The following ZFHX3 variants were observed in gnomAD, a reference collection of about 807,000 sequenced individuals.
ZFHX3 encodes the protein zinc finger homeobox protein 3.
ZFHX3 carries 42 observed loss-of-function variants against 279.1 expected under a neutral mutation model. The ratio of observed to expected loss-of-function variants is 0.15; its 90% confidence interval spans 0.12 to 0.19. ZFHX3 has a LOEUF of 0.19. Ranked by LOEUF, ZFHX3 falls within the 10% of genes least tolerant of loss-of-function variation. The probability of loss-of-function intolerance (pLI) is 1.00; values close to 1 mark genes in which losing one functional copy is unlikely to be tolerated. For synonymous variants in ZFHX3, 2,293 were observed against 1,957.8 expected (o/e 1.17, Z -4.52); for missense variants, 4,981 against 4,754.0 (o/e 1.05, Z -1.40).
rs769401015 is a variant in ZFHX3 at position 73,010,103 on chromosome 16, C to G, written c.-50+37649G>C. On this transcript the variant is annotated intron_variant, in intron 1 of 9. Transcript: ENST00000268489. ...TAGCATCAGAACACCCACGGAGGCA[C>G]GCCCCATGGGAAGGTGGCACTCAGC... Among the ~76,000 whole-genome samples the G allele has an allele frequency of 2.0e-5, 3 of 152,030 alleles. No individual in the cohort carries two copies. In the South Asian group the frequency reaches 6.2e-4, roughly 32 times the overall value.
chr16:73,548,196 T>C (rs991112288), intron 2 of ZFHX3, among the ~76,000 whole-genome samples: 8 of 152,242 alleles, frequency 5.3e-5, no homozygotes, highest in African/African-American at 1.9e-4. Context: ...TCAGTTTTCA[T>C]GGCTAAAGTG....
chr16:73,670,608 T>C (rs2052895349), intron 2 of ZFHX3, among the ~76,000 whole-genome samples: 1 of 152,172 alleles, frequency 6.6e-6, no homozygotes, highest in Non-Finnish European at 1.5e-5. Context: ...AGACCATTAT[T>C]TGACTGCAGG....
At chr16:72,889,230 A>C (rs1484803262) in intron 4 of ZFHX3, among the ~76,000 whole-genome samples, 3 of 152,090 alleles carry the variant, frequency 2.0e-5, no homozygotes, top group African/African-American at 7.2e-5. Flanking sequence ...TATAACAAGC[A>C]CTTATTTTAT....
intron 2 of ZFHX3, among the ~76,000 whole-genome samples, chr16:73,527,585 A>G (rs1307559365): frequency 2.0e-5 from 3 of 152,196 alleles, no homozygotes; most frequent in Non-Finnish European, 4.4e-5. Context: ...GTCGAATAGA[A>G]TATGGCAAAT....
chr16:73,373,146 G>C (rs867724464), intron 3 of ZFHX3, among the ~76,000 whole-genome samples: 42 of 151,902 alleles, frequency 2.8e-4, no homozygotes, highest in South Asian at 8.3e-4. Context: ...GAGGTTTGGG[G>C]GGGGGGTGGT....
chr16:73,186,521 G>C lies in ZFHX3; in HGVS notation c.-1103-42690C>G, dbSNP rs72797315. Among the ~76,000 whole-genome samples the C allele has an allele frequency of 4.3e-3, 654 of 150,732 alleles. 1 individual carries two copies. The highest frequency in any genetic ancestry group is 0.014 in the Middle Eastern group (4 of 282). On this transcript the variant is annotated intron_variant, in intron 5 of 17. Coordinates refer to the ZFHX3 transcript ENST00000641206. ...GTAGGTACTCAAGAAACACTTTGTG[G>C]ATATACCAGCCAATTCCCTAGTTTC...
At chr16:72,866,426 G>A (rs1194138841) in intron 4 of ZFHX3, among the ~76,000 whole-genome samples, 3 of 152,200 alleles carry the variant, frequency 2.0e-5, no homozygotes, top group Admixed American at 2.0e-4. Flanking sequence ...AAACAAACAT[G>A]TAGACATTTT....
intron 2 of ZFHX3, among the ~76,000 whole-genome samples, chr16:73,631,248 T>A (rs1303387030): frequency 6.6e-6 from 1 of 152,216 alleles, no homozygotes; most frequent in Non-Finnish European, 1.5e-5. Flanking sequence ...TACCCAGTGT[T>A]ACCTGAGAAT....
chr16:73,788,046 C>A (rs1265150078), intron 1 of ZFHX3, among the ~76,000 whole-genome samples: 1 of 152,068 alleles, frequency 6.6e-6, no homozygotes, highest in African/African-American at 2.4e-5. Flanking sequence ...GTGGAGCACT[C>A]TGGGAGCTAA....
intron 3 of ZFHX3, among the ~76,000 whole-genome samples, chr16:73,361,902 A>G (rs1039993931): frequency 7.9e-5 from 12 of 152,132 alleles, no homozygotes; most frequent in Non-Finnish European, 1.3e-4. Context: ...CTTCTTCAAC[A>G]CTGACATGGT....
At chr16:73,193,322 C>T (rs1339471304) in intron 5 of ZFHX3, among the ~76,000 whole-genome samples, 1 of 152,178 alleles carries the variant, frequency 6.6e-6, no homozygotes, top group African/African-American at 2.4e-5. Context: ...TAATCTCCAC[C>T]CTGTCTGCTT....
intron 3 of ZFHX3, among the ~76,000 whole-genome samples, chr16:73,331,654 C>T (rs2015807559): frequency 6.6e-6 from 1 of 152,192 alleles, no homozygotes; most frequent in South Asian, 2.1e-4. Flanking sequence ...TTGGTACTTT[C>T]TGTAGAAGAT....
chr16:73,744,021 C>T (rs914891399), intron 1 of ZFHX3, among the ~76,000 whole-genome samples: 6 of 152,084 alleles, frequency 3.9e-5, no homozygotes, highest in African/African-American at 4.8e-5. Flanking sequence ...CTTTTAATTC[C>T]GCAAACCGAC....
chr16:73,192,181 C>G (rs1968053761), intron 5 of ZFHX3, among the ~76,000 whole-genome samples: 1 of 152,138 alleles, frequency 6.6e-6, no homozygotes, highest in Non-Finnish European at 1.5e-5. Context: ...CCCCTGGGAT[C>G]AGATGTCCAC....
intron 5 of ZFHX3, among the ~76,000 whole-genome samples, chr16:73,212,197 C>A (rs989369592): frequency 1.3e-5 from 2 of 150,902 alleles, no homozygotes; most frequent in African/African-American, 4.8e-5. Context: ...AATCCTACTA[C>A]CCTGAGATCA....
At chr16:73,505,563 A>G (rs1337876295) in intron 2 of ZFHX3, among the ~76,000 whole-genome samples, 1 of 152,136 alleles carries the variant, frequency 6.6e-6, no homozygotes, top group East Asian at 1.9e-4. Context: ...GGAGGAAAAA[A>G]AAAAAAGACA....
At chr16:73,147,584 C>G (rs867109938) in intron 5 of ZFHX3, among the ~76,000 whole-genome samples, 1 of 144,450 alleles carries the variant, frequency 6.9e-6, no homozygotes, top group African/African-American at 2.6e-5. Flanking sequence ...CCCAGCTACT[C>G]GGGAGGCTGA....
chr16:73,126,598 G>T (rs1390630662), intron 7 of ZFHX3: 1 of 152,236 alleles, frequency 6.6e-6, no homozygotes. Context: ...TGGTTGCAGT[G>T]CACATGTTAA....
intron 1 of ZFHX3, among the ~76,000 whole-genome samples, chr16:73,859,347 T>G (rs1053138094): frequency 3.3e-5 from 5 of 152,228 alleles, no homozygotes; most frequent in Non-Finnish European, 7.3e-5. Flanking sequence ...GCCTTGATGA[T>G]GATCCATTTC....
Sources: allele counts gnomAD v4.1 joint callset (sites outside exome capture counted in the v4.1 genomes callset), GRCh38; gene constraint gnomAD v4.1.1; transcripts MANE v1.5; gene names NCBI Gene and HGNC (gene_info 2026-07-23, HGNC 2026-07-21).